MN1: variants seen among roughly 807,000 people sequenced by gnomAD.
MN1 encodes the protein transcriptional activator MN1.
In MN1, 19 loss-of-function variants were observed where a neutral mutation model predicts 86.9. The observed-to-expected ratio is 0.22, with a 90% CI of 0.15 to 0.32. The LOEUF is 0.32. Among genes scored for constraint, MN1 ranks in the 10% least tolerant of loss-of-function variants. MN1 has a pLI of 1.00. For synonymous variants in MN1, 928 were observed against 849.6 expected (o/e 1.09, Z -1.60); for missense variants, 1,841 against 1,862.0 (o/e 0.99, Z 0.21).
chr22:27,798,196 C>T lies in MN1; in HGVS notation c.2348G>A (p.Gly783Asp), dbSNP rs372652185. 6.5e-7 allele frequency: 1 copy of T among 1,537,248 alleles called. No homozygotes were observed. Among genetic ancestry groups the T allele is most frequent in the South Asian group, 1.2e-5 (1 of 81,426 alleles). The change falls in exon 1 of 2, where the codon GGT (glycine) becomes GAT (aspartate). Residue 783 changes from glycine to aspartate, a missense_variant. Coordinates refer to ENST00000302326, the MANE Select transcript of MN1 (RefSeq NM_002430.3). ...GGSSGGGGGG[G>D]AYPPQPDFQP... ...GAAATCAGGCTGCGGCGGGTAGGCA[C>T]CCCCGCCACCGCCGCCACCAGAGCT...
At chr22:27,772,239 A>C (rs950964511) in intron 1 of MN1, among the ~76,000 whole-genome samples, 1 of 152,180 alleles carries the variant, frequency 6.6e-6, no homozygotes, top group Non-Finnish European at 1.5e-5. Context: ...GGGCCAACTC[A>C]GCCCTTTTTC....
At chr22:27,767,355 G>A (rs554997462) in intron 1 of MN1, among the ~76,000 whole-genome samples, 18 of 152,166 alleles carry the variant, frequency 1.2e-4, no homozygotes, top group African/African-American at 4.1e-4. Context: ...TGAGAGGGGC[G>A]ACGCCCTCTC....
rs775397808 is a variant in MN1 at position 27,775,609 on chromosome 22, C to T, written c.3781+21154G>A. 2.6e-5 allele frequency among the ~76,000 whole-genome samples: 4 copies of T among 152,180 alleles called. 1 individual carries two copies. The highest frequency in any genetic ancestry group is 5.9e-5 in the Non-Finnish European group (4 of 68,036). On this transcript the variant is annotated intron_variant, in intron 1 of 1. Coordinates refer to ENST00000302326, the MANE Select transcript of MN1 (RefSeq NM_002430.3). ...GGAACACACCCACAGGTGCTCAGGACGTGCTGATGGAACCAAAACTCCCGC... is the reference window on the plus strand; with the variant it reads ...GGAACACACCCACAGGTGCTCAGGATGTGCTGATGGAACCAAAACTCCCGC...
chr22:27,777,679 T>C lies in MN1; in HGVS notation c.3781+19084A>G, dbSNP rs532255306. ...TTCAAGACCAGCCTGGCCAACATGG[T>C]GAAACCGTGTCTCTACTAAAAATAC... On this transcript the variant is annotated intron_variant, in intron 1 of 1. Transcript: ENST00000302326. Among the ~76,000 whole-genome samples, 7 of 150,224 alleles carry C rather than the reference T, an allele frequency of 4.7e-5. No homozygotes were observed. In the South Asian group the frequency reaches 1.3e-3, roughly 27 times the overall value.
Position 27,750,862 on chromosome 22 carries a change from A to T in MN1, c.*53T>A, listed in dbSNP as rs1356807266. Reference sequence around the variant, plus strand: ...GTGGGGTAAGGTTGAGGGGGAAGGAAACAGACAGGGGGAGAGGAAGGGCCT... The same window carrying T: ...GTGGGGTAAGGTTGAGGGGGAAGGATACAGACAGGGGGAGAGGAAGGGCCT... On this transcript the variant is annotated 3_prime_UTR_variant, in exon 2 of 2. Transcript: ENST00000302326. The T allele has an allele frequency of 4.8e-6, 7 of 1,472,690 alleles. 1 individual carries two copies. In the Admixed American group the frequency reaches 1.5e-4, roughly 31 times the overall value. The allele number at this position is 1,472,690 out of a possible 1,614,324, so 91.2% of individuals were successfully genotyped here.
At position 27,796,758 on chromosome 22, in the gene MN1, T is replaced by G. The variant is rs745980416; in HGVS notation, c.3781+5A>C. On this transcript the variant is annotated splice_donor_5th_base_variant and intron_variant, in intron 1 of 1. Coordinates refer to ENST00000302326, the MANE Select transcript of MN1 (RefSeq NM_002430.3). ...GAAGTGAGAGGAAAACGAGTGTGCA[T>G]ATACCTTCTTTGCTGTTGGGGTTCT... The G allele has an allele frequency of 9.4e-6, 15 of 1,590,080 alleles. No individual in the cohort carries two copies. Among genetic ancestry groups the G allele is most frequent in the Non-Finnish European group, 1.3e-5 (15 of 1,172,228 alleles).
At chr22:27,788,140 A>G (rs918200681) in intron 1 of MN1, among the ~76,000 whole-genome samples, 2 of 152,148 alleles carry the variant, frequency 1.3e-5, no homozygotes, top group Non-Finnish European at 2.9e-5. Flanking sequence ...CCCAAGAGTC[A>G]GTAAACGACA....
At position 27,751,172 on chromosome 22, in the gene MN1, G is replaced by A. The variant is rs1030831837; in HGVS notation, c.3782-76C>T. 8 of 1,329,940 alleles carry A rather than the reference G, an allele frequency of 6.0e-6. No homozygotes were observed. The African/African-American group carries it at 1.0e-4, about 17-fold the overall frequency. The allele number at this position is 1,329,940 out of a possible 1,614,324, so 82.4% of individuals were successfully genotyped here. A position where few individuals can be genotyped will look rare whatever the true frequency, so the allele number is the denominator to read the frequency against. Reference sequence around the variant, plus strand: ...GGACACCATAATGGGGGCCAAAGTGGCAGAGGCATACAAGACAGGCACCGT... The same window carrying A: ...GGACACCATAATGGGGGCCAAAGTGACAGAGGCATACAAGACAGGCACCGT... On this transcript the variant is annotated intron_variant, in intron 1 of 1. Coordinates refer to ENST00000302326, the MANE Select transcript of MN1 (RefSeq NM_002430.3).
At chr22:27,778,177 C>T (rs1933004638) in intron 1 of MN1, among the ~76,000 whole-genome samples, 1 of 152,178 alleles carries the variant, frequency 6.6e-6, no homozygotes, top group Admixed American at 6.5e-5. Flanking sequence ...CAGCCCTACA[C>T]AAACAGGGAA....
intron 1 of MN1, among the ~76,000 whole-genome samples, chr22:27,796,404 G>A (rs1933295766): frequency 6.6e-6 from 1 of 151,922 alleles, no homozygotes; most frequent in African/African-American, 2.4e-5. Flanking sequence ...TCAATGTTGA[G>A]GGTGGGGAGG....
chr22:27,798,524 C>A lies in MN1; in HGVS notation c.2020G>T (p.Val674Leu). The change falls in exon 1 of 2, where the codon GTG becomes TTG. Residue 674 changes from valine (V) to leucine (L), a missense_variant. By Grantham distance (32) the Val-to-Leu change is conservative. Coordinates refer to ENST00000302326, the MANE Select transcript of MN1 (RefSeq NM_002430.3). ...TCCTGCAGAGGGCCCCGGAACAGCACCCCCGAGCCACCAGGCGGAGGAGGG... is the reference window on the plus strand; with the variant it reads ...TCCTGCAGAGGGCCCCGGAACAGCAACCCCGAGCCACCAGGCGGAGGAGGG... ...APPPPPGGSG[V>L]LFRGPLQEPM... The A allele has an allele frequency of 1.3e-6, 2 of 1,524,748 alleles. No homozygotes were observed. Among genetic ancestry groups the A allele is most frequent in the Non-Finnish European group, 1.7e-6 (2 of 1,146,816 alleles). 94.5% of individuals were successfully genotyped at this position (1,524,748 alleles called of 1,614,324 possible). A position where few individuals can be genotyped will look rare whatever the true frequency, so the allele number is the denominator to read the frequency against.
intron 1 of MN1, among the ~76,000 whole-genome samples, chr22:27,777,160 G>A (rs1265947045): frequency 6.6e-6 from 1 of 152,128 alleles, no homozygotes; most frequent in Non-Finnish European, 1.5e-5. Context: ...GATTTCTTCC[G>A]AAAGCAAAAT....
chr22:27,754,159 C>T (rs896819261), intron 1 of MN1, among the ~76,000 whole-genome samples: 2 of 152,170 alleles, frequency 1.3e-5, no homozygotes, highest in African/African-American at 2.4e-5. Flanking sequence ...AGCAACACAC[C>T]GGGCAGAGGA....
chr22:27,801,618 G>C lies in MN1; in HGVS notation c.-1075C>G, dbSNP rs1318252004. The C allele has an allele frequency of 5.9e-6, 1 of 170,482 alleles. No individual in the cohort carries two copies. The highest frequency in any genetic ancestry group is 1.3e-5 in the Non-Finnish European group (1 of 78,592). 10.6% of individuals were successfully genotyped at this position (170,482 alleles called of 1,614,324 possible). On this transcript the variant is annotated 5_prime_UTR_variant, in exon 1 of 2. Transcript: ENST00000302326. ...GCGCTCTCAGAGCCCGGAATGGGGG[G>C]AGGGGGGCGCGGGGGCAGCTCTGGG...
chr22:27,798,859 G>A lies in MN1; in HGVS notation c.1685C>T (p.Ala562Val), dbSNP rs2146317099. 1 of 1,544,418 alleles carries A rather than the reference G, an allele frequency of 6.5e-7. No individual in the cohort carries two copies. Among genetic ancestry groups the A allele is most frequent in the Non-Finnish European group, 8.7e-7 (1 of 1,147,154 alleles). Residue 562 changes from alanine (A) to valine (V), a missense_variant, in exon 1 of 2, where the codon GCG (alanine) becomes GTG (valine). Physicochemically the swap from Ala to Val is moderately conservative, Grantham distance 64. Coordinates refer to ENST00000302326, the MANE Select transcript of MN1 (RefSeq NM_002430.3). ...QNAALMIKQM[A>V]SRNQQQRLRQ... ...CAGCCGCTGCTGCTGATTCCGCGAC[G>A]CCATCTGCTTAATCATGAGGGCCGC...
chr22:27,781,819 T>C (rs1933057355), intron 1 of MN1, among the ~76,000 whole-genome samples: 1 of 152,146 alleles, frequency 6.6e-6, no homozygotes, highest in Admixed American at 6.5e-5. Context: ...ACCCTCCCAC[T>C]ATCTCCTGGG....
intron 1 of MN1, among the ~76,000 whole-genome samples, chr22:27,754,261 C>T (rs959915066): frequency 6.6e-6 from 1 of 152,200 alleles, no homozygotes; most frequent in Non-Finnish European, 1.5e-5. Flanking sequence ...ATAAGCGTGC[C>T]GTGCACTAAC....
At chr22:27,756,737 T>A (rs1025190829) in intron 1 of MN1, among the ~76,000 whole-genome samples, 6 of 152,122 alleles carry the variant, frequency 3.9e-5, no homozygotes, top group Admixed American at 2.6e-4. Flanking sequence ...CTGACACTTA[T>A]CATTCTTTTG....
rs1391662942 is a variant in MN1, at chr22:27,750,944, A to G, written c.3934T>C (p.Phe1312Leu). Residue 1312 changes from phenylalanine to leucine, a missense_variant, in exon 2 of 2, where the codon TTT becomes CTT. Phe to Leu is a conservative substitution (Grantham distance 22). Transcript: ENST00000302326. ...RSLHSDISNR[F>L]GTFVAALT is the part of the protein sequence containing the mutation. ...GTTAGGGCAGCCACGAATGTCCCAA[A>G]TCTGTTGGAGATGTCAGAATGCAGG... 1 of 1,608,448 alleles carries G rather than the reference A, an allele frequency of 6.2e-7. No homozygotes were observed. The highest frequency in any genetic ancestry group is 8.5e-7 in the Non-Finnish European group (1 of 1,177,152).
Sources: gnomAD v4.1 joint callset for allele counts (sites outside exome capture counted in the v4.1 genomes callset) on GRCh38, gnomAD v4.1.1 for gene constraint, MANE v1.5 for transcripts, NCBI Gene and HGNC (gene_info 2026-07-23, HGNC 2026-07-21) for gene names.